Variants in KIAA1217 observed in about 807,000 individuals in gnomAD.
KIAA1217 encodes the protein sickle tail protein homolog.
A neutral mutation model predicts 163.9 loss-of-function variants in KIAA1217; 88 were observed. That is an observed-to-expected ratio of 0.54 (90% CI 0.45 to 0.64). The LOEUF (loss-of-function observed/expected upper bound fraction) is 0.64, where lower values mean the gene tolerates loss of function less well. Among genes scored for constraint, KIAA1217 ranks in the 30% least tolerant of loss-of-function variants. KIAA1217 has a pLI of 0.00. For missense variants in KIAA1217, 2,372 were observed against 2,475.0 expected (o/e 0.96, Z 0.88); for synonymous variants, 903 against 923.1 (o/e 0.98, Z 0.39).
intron 8 of KIAA1217, among the ~76,000 whole-genome samples, chr10:24,498,215 A>AG (rs1212516165): frequency 3.3e-5 from 5 of 152,158 alleles, no homozygotes; most frequent in South Asian, 2.1e-4. Flanking sequence ...AAGTGGACCC[A>AG]GGGACACAAC....
intron 3 of KIAA1217, among the ~76,000 whole-genome samples, chr10:24,387,007 C>T (rs1006527940): frequency 2.6e-5 from 4 of 152,182 alleles, no homozygotes; most frequent in Admixed American, 6.5e-5. Context: ...AACAAAAATT[C>T]GCAGAAGGGA....
At chr10:23,906,793 C>T (rs765622965) in intron 1 of KIAA1217, among the ~76,000 whole-genome samples, 6 of 152,050 alleles carry the variant, frequency 3.9e-5, no homozygotes, top group South Asian at 2.1e-4. Flanking sequence ...GTCTTCCTGT[C>T]GGGCTGATGT....
chr10:23,708,736 A>G (rs910169476), intron 1 of KIAA1217, among the ~76,000 whole-genome samples: 6 of 152,194 alleles, frequency 3.9e-5, no homozygotes, highest in African/African-American at 1.4e-4. Context: ...GATTTATTCT[A>G]AGGATGGTAT....
At chr10:23,863,115 G>T (rs1262237944) in intron 1 of KIAA1217, among the ~76,000 whole-genome samples, 1 of 152,132 alleles carries the variant, frequency 6.6e-6, no homozygotes, top group Non-Finnish European at 1.5e-5. Flanking sequence ...TGACCCTGGG[G>T]ATACTGATTC....
intron 2 of KIAA1217, among the ~76,000 whole-genome samples, chr10:24,127,081 A>G (rs1275599579): frequency 6.6e-6 from 1 of 152,218 alleles, no homozygotes; most frequent in African/African-American, 2.4e-5. Context: ...AAGAAAAAGA[A>G]AAAGCAGAAC....
intron 2 of KIAA1217, among the ~76,000 whole-genome samples, chr10:24,099,405 A>T (rs989394528): frequency 6.6e-6 from 1 of 150,886 alleles, no homozygotes; most frequent in South Asian, 2.1e-4. Context: ...TCATTGTTCA[A>T]TTCCCACCTA....
intron 9 of KIAA1217, among the ~76,000 whole-genome samples, chr10:24,511,039 G>T (rs1026247536): frequency 2.0e-5 from 3 of 150,568 alleles, no homozygotes; most frequent in African/African-American, 7.3e-5. Context: ...AGCATTCTGG[G>T]AGATGGGAAT....
rs374558776 is a variant in KIAA1217, at chr10:24,337,739, G to A, written c.355-43130G>A. On this transcript the variant is annotated intron_variant, in intron 2 of 20. Transcript: ENST00000376454. ...ACTCACTGCAAACTCTGCCTCCTGG[G>A]TTCAAGTGATTTTCCTGCCTCAGCC... Among the ~76,000 whole-genome samples the A allele has an allele frequency of 1.2e-4, 18 of 151,402 alleles. No individual in the cohort carries two copies. The East Asian group carries it at 3.3e-3, about 28-fold the overall frequency.
chr10:24,168,635 C>A (rs1434265023), intron 2 of KIAA1217, among the ~76,000 whole-genome samples: 1 of 152,138 alleles, frequency 6.6e-6, no homozygotes, highest in African/African-American at 2.4e-5. Context: ...GAAGAACGAG[C>A]AGACTGGCCA....
rs559903853 is a variant in KIAA1217 at position 24,300,010 on chromosome 10, G to A, written c.354+80101G>A. On this transcript the variant is annotated intron_variant, in intron 2 of 20. Coordinates refer to ENST00000376454, the MANE Select transcript of KIAA1217 (RefSeq NM_019590.5). ...AGATGCAAGAGATATAGCTTCACCCGTGCTTCCTATCTTCCTGTGATTTCT... is the reference window on the plus strand; with the variant it reads ...AGATGCAAGAGATATAGCTTCACCCATGCTTCCTATCTTCCTGTGATTTCT... Among the ~76,000 whole-genome samples the A allele has an allele frequency of 8.0e-4, 122 of 152,162 alleles. 1 individual carries two copies. In the South Asian group the frequency reaches 0.02, roughly 25 times the overall value.
chr10:23,865,833 A>AAGCC (rs1359751177), intron 1 of KIAA1217, among the ~76,000 whole-genome samples: 3 of 152,182 alleles, frequency 2.0e-5, no homozygotes, highest in African/African-American at 7.2e-5. Context: ...GGGACTAAAT[A>AAGCC]AGCCATCCTT....
At chr10:24,415,679 C>T (rs1308801234) in intron 3 of KIAA1217, among the ~76,000 whole-genome samples, 2 of 152,132 alleles carry the variant, frequency 1.3e-5, no homozygotes, top group Non-Finnish European at 2.9e-5. Flanking sequence ...CTCTTGCACA[C>T]TCACACACAA....
At chr10:24,395,879 C>G (rs1419804331) in intron 3 of KIAA1217, among the ~76,000 whole-genome samples, 3 of 152,034 alleles carry the variant, frequency 2.0e-5, no homozygotes, top group Non-Finnish European at 4.4e-5. Context: ...ACGGGGGTCT[C>G]ACGATTAGCC....
intron 2 of KIAA1217, among the ~76,000 whole-genome samples, chr10:24,337,344 A>G (rs1034044193): frequency 5.3e-5 from 8 of 152,214 alleles, no homozygotes; most frequent in African/African-American, 1.9e-4. Flanking sequence ...AGAAATGCAA[A>G]TGCAAACTAC....
At chr10:23,902,718 G>T (rs1842006375) in intron 1 of KIAA1217, among the ~76,000 whole-genome samples, 1 of 152,138 alleles carries the variant, frequency 6.6e-6, no homozygotes, top group African/African-American at 2.4e-5. Flanking sequence ...GTGATGGGGT[G>T]TTGATGTGCA....
intron 1 of KIAA1217, among the ~76,000 whole-genome samples, chr10:23,869,959 T>C (rs1163707543): frequency 6.6e-6 from 1 of 152,170 alleles, no homozygotes; most frequent in East Asian, 1.9e-4. Flanking sequence ...GTAAATAATT[T>C]TCTAACAACA....
rs147777535 is a variant in KIAA1217, at chr10:24,309,334, G to A, written c.355-71535G>A. On this transcript the variant is annotated intron_variant, in intron 2 of 20. Coordinates refer to ENST00000376454, the MANE Select transcript of KIAA1217 (RefSeq NM_019590.5). ...GACCAGTAGACCATGACAAATAGGC[G>A]CGCGCACGCGCGCGCGCACACACAC... Among the ~76,000 whole-genome samples the A allele has an allele frequency of 6.3e-3, 572 of 90,594 alleles. 1 individual carries two copies. The highest frequency in any genetic ancestry group is 9.6e-3 in the Non-Finnish European group (444 of 46,186). The allele number at this position is 90,594 out of a possible 152,430, so 59.4% of individuals were successfully genotyped here.
At chr10:24,047,178 T>A (rs940633137) in intron 2 of KIAA1217, among the ~76,000 whole-genome samples, 1 of 152,220 alleles carries the variant, frequency 6.6e-6, no homozygotes, top group Non-Finnish European at 1.5e-5. Flanking sequence ...TGTCCTAATA[T>A]GTATACTTAT....
chr10:23,701,301 T>C (rs775003163), intron 1 of KIAA1217, among the ~76,000 whole-genome samples: 3 of 152,190 alleles, frequency 2.0e-5, no homozygotes, highest in Non-Finnish European at 2.9e-5. Flanking sequence ...AGGAAATAAA[T>C]GCATTTATCT....
Sources: allele counts gnomAD v4.1 joint callset (sites outside exome capture counted in the v4.1 genomes callset), GRCh38; gene constraint gnomAD v4.1.1; transcripts MANE v1.5; gene names NCBI Gene and HGNC (gene_info 2026-07-23, HGNC 2026-07-21).